Variants in CWF19L2 observed in about 807,000 individuals in gnomAD.
The protein encoded by CWF19L2 is CWF19 like cell cycle control factor 2.
A neutral mutation model predicts 111.7 loss-of-function variants in CWF19L2; 98 were observed. The ratio of observed to expected loss-of-function variants is 0.88; its 90% CI spans 0.75 to 1.04. The LOEUF is 1.04. Ranked by LOEUF, CWF19L2 falls within the 50% of genes least tolerant of loss-of-function variation. The pLI is 0.00. For missense variants in CWF19L2, 1,101 were observed against 1,051.4 expected (o/e 1.05, Z -0.65); for synonymous variants, 351 against 342.9 (o/e 1.02, Z -0.26).
chr11:107,361,946 G>T (rs1860347838), intron 12 of CWF19L2, among the ~76,000 whole-genome samples: 2 of 152,196 alleles, frequency 1.3e-5, no homozygotes, highest in Admixed American at 1.3e-4. Context: ...CCAGACAGTG[G>T]GCGCAGGTTA....
At chr11:107,441,464 G>T in intron 5 of CWF19L2, 39 bp downstream of exon 5, 2 of 1,456,598 alleles carry the variant, frequency 1.4e-6, no homozygotes, top group Non-Finnish European at 1.8e-6. Flanking sequence ...TTTATTAAAG[G>T]TAAATTAGAA....
chr11:107,396,600 A>T (rs886670734), intron 10 of CWF19L2, among the ~76,000 whole-genome samples: 1 of 152,176 alleles, frequency 6.6e-6, no homozygotes, highest in African/African-American at 2.4e-5. Flanking sequence ...GAGATAATAA[A>T]TTTCTCCCAC....
chr11:107,402,869 GTGTGTA>G (rs1412932947), intron 10 of CWF19L2, among the ~76,000 whole-genome samples: 7 of 22,022 alleles, frequency 3.2e-4, no homozygotes, highest in Non-Finnish European at 2.2e-4. Flanking sequence ...ACAAACTGTG[GTGTGTA>G]TATATATATA....
At chr11:107,407,022 C>T (rs989431722) in intron 10 of CWF19L2, among the ~76,000 whole-genome samples, 33 of 151,884 alleles carry the variant, frequency 2.2e-4, no homozygotes, top group Non-Finnish European at 2.9e-5. Flanking sequence ...TTCTATGATT[C>T]ACTGTGATAT....
intron 3 of CWF19L2, among the ~76,000 whole-genome samples, chr11:107,448,093 C>A (rs1861725944): frequency 6.6e-6 from 1 of 152,068 alleles, no homozygotes; most frequent in South Asian, 2.1e-4. Context: ...CACCTGTAAT[C>A]CCAGCACTTT....
chr11:107,415,896 G>C (rs1437860018), intron 10 of CWF19L2, among the ~76,000 whole-genome samples: 3 of 151,994 alleles, frequency 2.0e-5, no homozygotes, highest in Non-Finnish European at 1.5e-5. Context: ...TCAGGAGTTT[G>C]AGACCAGCCT....
intron 12 of CWF19L2, among the ~76,000 whole-genome samples, chr11:107,382,923 A>G (rs604211): frequency 0.83 from 125,646 of 152,206 alleles, 52,414 homozygotes; most frequent in African/African-American, 0.95. Context: ...CTGAAGTCAA[A>G]AAGCCTTCAT....
intron 12 of CWF19L2, among the ~76,000 whole-genome samples, chr11:107,362,117 G>A (rs1028170609): frequency 4.6e-5 from 7 of 152,046 alleles, no homozygotes; most frequent in Non-Finnish European, 8.8e-5. Flanking sequence ...TTTTCAGACC[G>A]GCTTAAAAAA....
chr11:107,367,062 A>C (rs1860441319), intron 12 of CWF19L2, among the ~76,000 whole-genome samples: 1 of 115,984 alleles, frequency 8.6e-6, no homozygotes, highest in South Asian at 2.8e-4. Context: ...TGCAGCCAAA[A>C]AACACATGAA....
chr11:107,452,513 T>C (rs1375642404), intron 3 of CWF19L2, among the ~76,000 whole-genome samples: 1 of 152,208 alleles, frequency 6.6e-6, no homozygotes, highest in African/African-American at 2.4e-5. Context: ...ATTGAAAGAA[T>C]ATTTTAACAT....
intron 10 of CWF19L2, among the ~76,000 whole-genome samples, chr11:107,399,851 A>C (rs1197621227): frequency 6.6e-6 from 1 of 152,214 alleles, no homozygotes; most frequent in Non-Finnish European, 1.5e-5. Flanking sequence ...AAGAAAATTG[A>C]AACTATATCA....
chr11:107,457,131 C>T (rs1253575972), intron 1 of CWF19L2, among the ~76,000 whole-genome samples: 1 of 152,090 alleles, frequency 6.6e-6, no homozygotes, highest in African/African-American at 2.4e-5. Flanking sequence ...TGTATGTTAC[C>T]TCTATGTATC....
rs549645360 is a variant in CWF19L2 at position 107,345,511 on chromosome 11, C to A, written c.2202+3426G>T. On this transcript the variant is annotated intron_variant, in intron 14 of 17. Coordinates refer to ENST00000282251, the MANE Select transcript of CWF19L2 (RefSeq NM_152434.3). ...TTTATCTGGAGAATAGTGAAGAAGG[C>A]AGACTCAAAATGTCATGAATTATAA... 5.7e-5 allele frequency: 26 copies of A among 456,696 alleles called. No individual in the cohort carries two copies. The East Asian group carries it at 1.8e-3, about 32-fold the overall frequency. 28.3% of individuals were successfully genotyped at this position (456,696 alleles called of 1,614,324 possible). A position where few individuals can be genotyped will look rare whatever the true frequency, so the allele number is the denominator to read the frequency against.
At chr11:107,361,701 A>C (rs1860340445) in intron 12 of CWF19L2, among the ~76,000 whole-genome samples, 1 of 152,162 alleles carries the variant, frequency 6.6e-6, no homozygotes, top group Admixed American at 6.5e-5. Context: ...CTCCTTGGTT[A>C]AATATATTCC....
chr11:107,332,781 A>T (rs1038632199), intron 16 of CWF19L2, among the ~76,000 whole-genome samples: 2 of 152,114 alleles, frequency 1.3e-5, no homozygotes, highest in South Asian at 2.1e-4. Context: ...TCTTATACTT[A>T]TGTACTCTTC....
At chr11:107,365,518 A>G (rs1243325665) in intron 12 of CWF19L2, among the ~76,000 whole-genome samples, 1 of 90,536 alleles carries the variant, frequency 1.1e-5, no homozygotes, top group Non-Finnish European at 2.1e-5. Flanking sequence ...GGCTGGTTCA[A>G]TATACGCAAA....
chr11:107,440,100 G>C (rs1861600853), intron 5 of CWF19L2, among the ~76,000 whole-genome samples: 1 of 152,146 alleles, frequency 6.6e-6, no homozygotes. Flanking sequence ...TTATGGTCTA[G>C]AGAAGGGGGA....
chr11:107,356,813 G>A (rs189235004), intron 12 of CWF19L2, among the ~76,000 whole-genome samples: 9 of 152,204 alleles, frequency 5.9e-5, no homozygotes, highest in East Asian at 1.9e-4. Context: ...GGAGGTGGGC[G>A]GATCACCTGA....
chr11:107,389,175 T>C (rs1250994220), intron 12 of CWF19L2, among the ~76,000 whole-genome samples: 1 of 152,220 alleles, frequency 6.6e-6, no homozygotes, highest in African/African-American at 2.4e-5. Context: ...ATCCCTTGCC[T>C]ATATCTCAGT....
Sources: gnomAD v4.1 joint callset for allele counts (sites outside exome capture counted in the v4.1 genomes callset) on GRCh38, gnomAD v4.1.1 for gene constraint, MANE v1.5 for transcripts, NCBI Gene and HGNC (gene_info 2026-07-23, HGNC 2026-07-21) for gene names.